The following SYCP1 variants were observed in gnomAD, a reference collection of about 807,000 sequenced individuals.
SYCP1 encodes the protein synaptonemal complex protein 1, also known as cancer/testis antigen 8.
In SYCP1, 64 loss-of-function variants were observed where a neutral mutation model predicts 153.1. That is an observed-to-expected ratio of 0.42 (90% CI 0.34 to 0.51). The LOEUF (loss-of-function observed/expected upper bound fraction) is 0.51, where lower values mean the gene tolerates loss of function less well. SYCP1 is among the 20% of genes least tolerant of loss of function. The pLI is 0.06. For synonymous variants in SYCP1, 384 were observed against 341.8 expected (o/e 1.12, Z -1.36); for missense variants, 997 against 1,049.0 (o/e 0.95, Z 0.68).
chr1:114,865,135 G>A (rs1346474394), intron 8 of SYCP1, among the ~76,000 whole-genome samples: 3 of 151,844 alleles, frequency 2.0e-5, no homozygotes. Context: ...ACTTTTTAAA[G>A]CTCTACTTTT....
chr1:114,895,813 T>C (rs572789406), intron 16 of SYCP1, among the ~76,000 whole-genome samples: 2 of 152,244 alleles, frequency 1.3e-5, no homozygotes, highest in African/African-American at 4.8e-5. Flanking sequence ...CTTTGAACAA[T>C]AAAGATGCAA....
At chr1:114,988,150 A>G (rs1335087108) in intron 30 of SYCP1, among the ~76,000 whole-genome samples, 1 of 149,394 alleles carries the variant, frequency 6.7e-6, no homozygotes, top group African/African-American at 2.4e-5. Flanking sequence ...GTAGCACACC[A>G]TCAGCTGGGC....
chr1:114,980,402 A>G (rs1174462508), intron 28 of SYCP1, among the ~76,000 whole-genome samples: 1 of 151,924 alleles, frequency 6.6e-6, no homozygotes, highest in African/African-American at 2.4e-5. Flanking sequence ...AACTGAGTTG[A>G]AAAAATGTCA....
intron 27 of SYCP1, among the ~76,000 whole-genome samples, chr1:114,966,677 TTTTC>T (rs1203174334): frequency 6.6e-5 from 10 of 151,670 alleles, no homozygotes; most frequent in Middle Eastern, 3.4e-3. Context: ...CTGTTTTCTT[TTTTC>T]TTTCTTTCTT....
At chr1:114,922,756 C>G (rs1668982124) in intron 20 of SYCP1, among the ~76,000 whole-genome samples, 2 of 152,266 alleles carry the variant, frequency 1.3e-5, no homozygotes, top group South Asian at 4.1e-4. Context: ...ATCATGCCTT[C>G]CAAATAGTCC....
In SYCP1 at chr1:114,910,436, G is replaced by T; in HGVS notation, c.1360G>T (p.Glu454Ter). Residue 454 changes from glutamate to a stop codon, truncating the protein, a stop_gained, in exon 17 of 32, where the codon GAG becomes TAG. Transcript: ENST00000369522. LOFTEE classifies it high-confidence loss of function. The part of the protein sequence containing the change: ...ETLLYENKQF[E>*]KIAEELKGTE... Reference sequence around the variant, plus strand: ...ACTTTTATATGAAAATAAACAATTTGAGAAGATTGCTGAAGAATTAAAAGG... The same window carrying T: ...ACTTTTATATGAAAATAAACAATTTTAGAAGATTGCTGAAGAATTAAAAGG... The T allele has an allele frequency of 6.2e-7, 1 of 1,604,626 alleles. No homozygotes were observed. The highest frequency in any genetic ancestry group is 1.1e-5 in the South Asian group (1 of 88,930).
intron 27 of SYCP1, among the ~76,000 whole-genome samples, chr1:114,976,861 ACAT>A (rs1198386177): frequency 6.6e-6 from 1 of 151,766 alleles, no homozygotes; most frequent in Non-Finnish European, 1.5e-5. Flanking sequence ...ACTGGCATAG[ACAT>A]CATGGGCGAG....
intron 23 of SYCP1, among the ~76,000 whole-genome samples, chr1:114,941,501 A>G (rs549600253): frequency 6.6e-6 from 1 of 152,188 alleles, no homozygotes; most frequent in Non-Finnish European, 1.5e-5. Flanking sequence ...GCCAGAGTTT[A>G]TAATTTTATG....
Position 114,856,608 on chromosome 1 carries a change from T to C in SYCP1, c.144T>C (p.Phe48=). The change falls in exon 3 of 32, where the codon TTT becomes TTC. Residue 48 remains phenylalanine, a synonymous_variant. Coordinates refer to ENST00000369522, the MANE Select transcript of SYCP1 (RefSeq NM_003176.4). ...FNKCTEDDFE[F]PFAKTNLSKN... ...AATGTACTGAAGATGATTTTGAGTTTCCATTTGCAAAGACTAATCTCTCCA... is the reference window on the plus strand; with the variant it reads ...AATGTACTGAAGATGATTTTGAGTTCCCATTTGCAAAGACTAATCTCTCCA... 2 of 1,612,068 alleles carry C rather than the reference T, an allele frequency of 1.2e-6. No homozygotes were observed. The highest frequency in any genetic ancestry group is 1.7e-6 in the Non-Finnish European group (2 of 1,179,260).
At chr1:114,911,615 G>GT (rs751763994) in intron 18 of SYCP1, 33 bp downstream of exon 18, 1 of 1,196,630 alleles carries the variant, frequency 8.4e-7, no homozygotes, top group Non-Finnish European at 1.1e-6. Flanking sequence ...AATAGTTTAT[G>GT]TACTCAATTC....
intron 27 of SYCP1, among the ~76,000 whole-genome samples, chr1:114,973,551 C>A (rs980005455): frequency 1.1e-4 from 17 of 152,008 alleles, no homozygotes; most frequent in Admixed American, 6.6e-4. Flanking sequence ...GGGTGAGGAG[C>A]CACAGTGAGT....
At chr1:114,984,515 T>C (rs940462406) in intron 29 of SYCP1, among the ~76,000 whole-genome samples, 4 of 152,150 alleles carry the variant, frequency 2.6e-5, no homozygotes, top group South Asian at 2.1e-4. Context: ...AAGTCTACCA[T>C]TGTAAATTTT....
Position 114,887,677 on chromosome 1 carries a change from G to C in SYCP1, c.1242G>C (p.Lys414Asn). 1 of 1,552,924 alleles carries C rather than the reference G, an allele frequency of 6.4e-7. No individual in the cohort carries two copies. Residue 414 changes from lysine to asparagine, a missense_variant, in exon 15 of 32, where the codon AAG becomes AAC. By Grantham distance (94) the Lys-to-Asn change is moderately conservative (BLOSUM62 0). Around this residue, in one of 2 missense-constraint regions of SYCP1, gnomAD observed 712 missense variants for 682.9 expected, o/e 1.04. Transcript: ENST00000369522. The part of the protein sequence containing the change: ...QLKILTMELQ[K>N]KSSELEEMTK... ...AAATACTTACCATGGAGCTTCAAAA[G>C]AAATCAAGTGAGCTGGGTAAGACTT...
At chr1:114,946,860 C>T (rs1307000586) in intron 26 of SYCP1, among the ~76,000 whole-genome samples, 1 of 152,146 alleles carries the variant, frequency 6.6e-6, no homozygotes, top group Non-Finnish European at 1.5e-5. Context: ...TGGCCTCAGC[C>T]TCCTGAGTAG....
intron 11 of SYCP1, 38 bp from the exon 12 acceptor site, chr1:114,878,056 A>G (rs1409754476): frequency 8.4e-7 from 1 of 1,187,276 alleles, no homozygotes; most frequent in Non-Finnish European, 1.2e-6. Flanking sequence ...GTCATATTTA[A>G]ATTTTCATAT....
chr1:114,970,716 T>TTAGGCTGG (rs1672434558), intron 27 of SYCP1, among the ~76,000 whole-genome samples: 2 of 152,058 alleles, frequency 1.3e-5, no homozygotes, highest in Admixed American at 1.3e-4. Flanking sequence ...CTATCAGGCT[T>TTAGGCTGG]TAGGCTGGTA....
intron 23 of SYCP1, among the ~76,000 whole-genome samples, chr1:114,938,565 C>G (rs911753688): frequency 6.6e-6 from 1 of 150,828 alleles, no homozygotes; most frequent in African/African-American, 2.4e-5. Flanking sequence ...ATAAATAAAT[C>G]AAAAATAAAT....
At chr1:114,909,854 T>A (rs1271460866) in intron 16 of SYCP1, among the ~76,000 whole-genome samples, 2 of 152,194 alleles carry the variant, frequency 1.3e-5, no homozygotes, top group Non-Finnish European at 1.5e-5. Context: ...GGCACAGTAG[T>A]CTCATTACTG....
chr1:114,932,613 C>G (rs533074995), intron 23 of SYCP1, among the ~76,000 whole-genome samples: 96 of 152,334 alleles, frequency 6.3e-4, no homozygotes, highest in Non-Finnish European at 9.8e-4. Flanking sequence ...CATCGCCTCA[C>G]CTGGGAAGCA....
Sources: gnomAD v4.1 joint callset for allele counts (sites outside exome capture counted in the v4.1 genomes callset) on GRCh38, gnomAD v4.1.1 for gene constraint, gnomAD v4.1.1 regional missense constraint, MANE v1.5 for transcripts, NCBI Gene and HGNC (gene_info 2026-07-23, HGNC 2026-07-21) for gene names.